CAMK1D: variants seen among roughly 807,000 people sequenced by gnomAD.
The protein encoded by CAMK1D is calcium/calmodulin-dependent protein kinase type 1D.
Under a neutral mutation model 47.7 loss-of-function variants are expected in CAMK1D, and 9 were observed. That is an observed-to-expected ratio of 0.19 (90% CI 0.11 to 0.33). The LOEUF is 0.33. CAMK1D is among the 10% of genes least tolerant of loss of function. CAMK1D has a pLI of 1.00. For missense variants in CAMK1D, 291 were observed against 488.7 expected (o/e 0.60, Z 3.81); for synonymous variants, 184 against 184.9 (o/e 0.99, Z 0.04).
chr10:12,720,767 T>A (rs1413593473), intron 3 of CAMK1D, among the ~76,000 whole-genome samples: 4 of 152,122 alleles, frequency 2.6e-5, no homozygotes, highest in Admixed American at 2.6e-4. Context: ...GATTCAAGGG[T>A]TTTCCTCTCC....
intron 3 of CAMK1D, among the ~76,000 whole-genome samples, chr10:12,670,970 CCCTT>C (rs1840597501): frequency 6.6e-6 from 1 of 152,194 alleles, no homozygotes; most frequent in African/African-American, 2.4e-5. Context: ...ATTCCTCCCT[CCCTT>C]AGTCTCTTGC....
At chr10:12,779,939 C>G (rs1588917768) in intron 5 of CAMK1D, among the ~76,000 whole-genome samples, 1 of 152,184 alleles carries the variant, frequency 6.6e-6, no homozygotes, top group Non-Finnish European at 1.5e-5. Flanking sequence ...CTGAGGCTGT[C>G]GGGGAAGGAA....
At chr10:12,588,906 A>G (rs12769186) in intron 2 of CAMK1D, among the ~76,000 whole-genome samples, 1,654 of 95,866 alleles carry the variant, frequency 0.017, 14 homozygotes, top group East Asian at 0.076. Context: ...GTGTGTGTGT[A>G]TATATAACAT....
intron 1 of CAMK1D, among the ~76,000 whole-genome samples, chr10:12,445,025 A>G (rs944649774): frequency 6.6e-6 from 1 of 152,218 alleles, no homozygotes; most frequent in African/African-American, 2.4e-5. Context: ...GTTGGGGTAA[A>G]CTACTTTGAT....
intron 1 of CAMK1D, among the ~76,000 whole-genome samples, chr10:12,426,493 C>T (rs552288058): frequency 6.6e-6 from 1 of 152,342 alleles, no homozygotes; most frequent in Admixed American, 6.5e-5. Context: ...TGATTGCCGG[C>T]CTCAGCCTCC....
At chr10:12,650,680 C>T (rs575504622) in intron 2 of CAMK1D, among the ~76,000 whole-genome samples, 5 of 152,318 alleles carry the variant, frequency 3.3e-5, no homozygotes, top group Admixed American at 6.5e-5. Context: ...CCACTCCACC[C>T]GCCCCAATCT....
intron 6 of CAMK1D, among the ~76,000 whole-genome samples, chr10:12,800,009 G>C (rs1194230018): frequency 5.9e-5 from 9 of 151,896 alleles, no homozygotes; most frequent in Admixed American, 5.9e-4. Flanking sequence ...AGTTTTCAAG[G>C]CATTGTCTAA....
rs536886971 is a variant in CAMK1D at position 12,350,275 on chromosome 10, C to T, written c.92+365C>T. On this transcript the variant is annotated intron_variant, in intron 1 of 10. Coordinates refer to ENST00000619168, the MANE Select transcript of CAMK1D (RefSeq NM_153498.4). ...TTTACCGGCTGTGTGCGTTTACTCG[C>T]CGTGTGCATGGGCGCACCGCGTTGG... is the stretch of plus-strand genomic sequence containing the variant. 5.3e-5 allele frequency among the ~76,000 whole-genome samples: 8 copies of T among 152,344 alleles called. No homozygotes were observed. The East Asian group carries it at 1.5e-3, about 29-fold the overall frequency.
intron 1 of CAMK1D, among the ~76,000 whole-genome samples, chr10:12,486,013 A>G (rs980560707): frequency 5.9e-5 from 9 of 152,156 alleles, no homozygotes; most frequent in African/African-American, 2.2e-4. Flanking sequence ...AGATTAGCAG[A>G]GAGTCTCGTC....
chr10:12,416,241 CG>C (rs1241902041), intron 1 of CAMK1D, among the ~76,000 whole-genome samples: 1 of 151,598 alleles, frequency 6.6e-6, no homozygotes, highest in East Asian at 1.9e-4. Context: ...ATGGAGAAGT[CG>C]CTGGAAATGT....
chr10:12,773,884 G>A (rs1837155043), intron 5 of CAMK1D, among the ~76,000 whole-genome samples: 1 of 152,184 alleles, frequency 6.6e-6, no homozygotes. Flanking sequence ...GGGCAATAGA[G>A]TGAGACTCAT....
intron 10 of CAMK1D, 68 bp from the exon 11 acceptor site, chr10:12,828,701 T>G: frequency 2.6e-6 from 3 of 1,145,412 alleles, no homozygotes; most frequent in Admixed American, 3.5e-5. Flanking sequence ...CTCTGACACC[T>G]GGCAGTGGGA....
chr10:12,808,354 A>G (rs1832452438), intron 6 of CAMK1D, among the ~76,000 whole-genome samples: 1 of 152,252 alleles, frequency 6.6e-6, no homozygotes, highest in Admixed American at 6.5e-5. Context: ...TATTTCCAGT[A>G]TCAAACTCAG....
chr10:12,392,864 ATT>A lies in CAMK1D; in HGVS notation c.92+42957_92+42958del, dbSNP rs546939728. 2.3e-3 allele frequency among the ~76,000 whole-genome samples: 345 copies of A among 152,200 alleles called. 1 individual carries two copies. The highest frequency in any genetic ancestry group is 7.6e-3 in the African/African-American group (316 of 41,514). Reference sequence around the variant, plus strand: ...TAGTGAAAAAACAACTTCATTAGAAATTTTGATGAGTTTAAACATAGTAAGCC... The same window carrying A: ...TAGTGAAAAAACAACTTCATTAGAAATTGATGAGTTTAAACATAGTAAGCC... On this transcript the variant is annotated intron_variant, in intron 1 of 10. Coordinates refer to ENST00000619168, the MANE Select transcript of CAMK1D (RefSeq NM_153498.4).
chr10:12,442,194 C>T (rs1482450586), intron 1 of CAMK1D, among the ~76,000 whole-genome samples: 3 of 152,022 alleles, frequency 2.0e-5, no homozygotes, highest in Non-Finnish European at 4.4e-5. Context: ...TTTCTTAAAA[C>T]TTTGAGGCCG....
At chr10:12,456,985 C>T (rs1351492624) in intron 1 of CAMK1D, among the ~76,000 whole-genome samples, 1 of 152,210 alleles carries the variant, frequency 6.6e-6, no homozygotes, top group East Asian at 1.9e-4. Context: ...CTTTGTGACA[C>T]CAGAGTGTTG....
chr10:12,802,646 G>A (rs557254611), intron 6 of CAMK1D, among the ~76,000 whole-genome samples: 5 of 152,128 alleles, frequency 3.3e-5, no homozygotes, highest in African/African-American at 9.6e-5. Flanking sequence ...TCAGCCTCCC[G>A]AGTAGCTGAG....
chr10:12,387,040 A>G (rs1838517562), intron 1 of CAMK1D, among the ~76,000 whole-genome samples: 2 of 151,538 alleles, frequency 1.3e-5, no homozygotes, highest in Non-Finnish European at 2.9e-5. Context: ...CGTCTCTACT[A>G]AAAATACAAA....
chr10:12,505,265 A>C (rs1222076261), intron 1 of CAMK1D, among the ~76,000 whole-genome samples: 1 of 152,200 alleles, frequency 6.6e-6, no homozygotes, highest in African/African-American at 2.4e-5. Context: ...GGCTCCTGGG[A>C]GTCTTCAAGA....
Sources: gnomAD v4.1 joint callset for allele counts (sites outside exome capture counted in the v4.1 genomes callset) on GRCh38, gnomAD v4.1.1 for gene constraint, MANE v1.5 for transcripts, NCBI Gene and HGNC (gene_info 2026-07-23, HGNC 2026-07-21) for gene names.